FRMD3: variants seen among roughly 807,000 people sequenced by gnomAD.
FRMD3 encodes FERM domain containing 3.
A neutral mutation model predicts 70.2 loss-of-function variants in FRMD3; 33 were observed. The ratio of observed to expected loss-of-function variants is 0.47; its 90% CI spans 0.36 to 0.63. FRMD3 has a LOEUF of 0.63. FRMD3 is among the 20% of genes least tolerant of loss of function. FRMD3 has a pLI of 0.00. For synonymous variants in FRMD3, 279 were observed against 255.9 expected (o/e 1.09, Z -0.86); for missense variants, 632 against 711.4 (o/e 0.89, Z 1.27).
intron 3 of FRMD3, 45 bp from the exon 4 acceptor site, chr9:83,349,802 C>A (rs1461613969): frequency 1.4e-6 from 2 of 1,461,820 alleles, no homozygotes; most frequent in Non-Finnish European, 1.9e-6. Context: ...AGCAAAAGAC[C>A]ATGGCCTCAA....
Position 83,248,184 on chromosome 9 carries a change from A to G in FRMD3, c.1528T>C (p.Trp510Arg), listed in dbSNP as rs750575548. Residue 510 changes from tryptophan (W) to arginine (R), a missense_variant, in exon 14 of 14, where the codon TGG (tryptophan) becomes CGG (arginine). Around this residue, in one of 3 missense-constraint regions of FRMD3, gnomAD observed 418 missense variants for 442.1 expected, o/e 0.95. Transcript: ENST00000304195. ...ELKEARRALS[W>R]SYDILTGHIR... ...TGGCCAGTCAGAATGTCATAGCTCC[A>G]CGACAAAGCACGGCGAGCCTCCTTC... 1.9e-5 allele frequency: 30 copies of G among 1,614,178 alleles called. No individual in the cohort carries two copies. Among genetic ancestry groups the G allele is most frequent in the Non-Finnish European group, 2.5e-5 (30 of 1,180,018 alleles).
At chr9:83,268,606 T>G (rs564908516) in intron 13 of FRMD3, among the ~76,000 whole-genome samples, 2 of 152,204 alleles carry the variant, frequency 1.3e-5, no homozygotes, top group South Asian at 4.1e-4. Flanking sequence ...TGCAATATAC[T>G]ACTAACTGAA....
At chr9:83,299,497 A>T (rs1834817369) in intron 10 of FRMD3, among the ~76,000 whole-genome samples, 1 of 152,230 alleles carries the variant, frequency 6.6e-6, no homozygotes. Flanking sequence ...AGTGATGATC[A>T]GAAGGAATTC....
At chr9:83,581,642 C>T in the FRMD3 span, among the ~76,000 whole-genome samples, 4 of 152,210 alleles carry the variant, frequency 2.6e-5, no homozygotes, top group African/African-American at 7.2e-5. Context: ...TGTATGTCCA[C>T]ACAAAAATTT....
chr9:83,267,710 A>T (rs1157605575), intron 13 of FRMD3, among the ~76,000 whole-genome samples: 1 of 152,194 alleles, frequency 6.6e-6, no homozygotes, highest in East Asian at 1.9e-4. Flanking sequence ...ACAGGTAATG[A>T]TATCAAAATT....
intron 1 of FRMD3, among the ~76,000 whole-genome samples, chr9:83,449,601 TC>T (rs1240105568): frequency 1.4e-4 from 22 of 152,304 alleles, no homozygotes; most frequent in African/African-American, 5.1e-4. Context: ...CTGAGAACCT[TC>T]AGGCCACAGA....
chr9:83,328,416 T>A (rs563105817), intron 6 of FRMD3, among the ~76,000 whole-genome samples: 1 of 152,288 alleles, frequency 6.6e-6, no homozygotes, highest in South Asian at 2.1e-4. Context: ...ACTACATACA[T>A]CTGGGTCACA....
chr9:83,371,655 T>A (rs565986689), intron 3 of FRMD3, among the ~76,000 whole-genome samples: 7 of 152,346 alleles, frequency 4.6e-5, no homozygotes. Flanking sequence ...TCTTCCGCTC[T>A]TGCCCCAATT....
chr9:83,324,348 A>G (rs1266790374), intron 6 of FRMD3, among the ~76,000 whole-genome samples: 1 of 152,170 alleles, frequency 6.6e-6, no homozygotes, highest in African/African-American at 2.4e-5. Context: ...ATGGGAGGAG[A>G]GAGGGAGGTG....
chr9:83,258,885 A>G (rs1313282560), intron 13 of FRMD3, among the ~76,000 whole-genome samples: 1 of 152,196 alleles, frequency 6.6e-6, no homozygotes, highest in Non-Finnish European at 1.5e-5. Context: ...TGGCATCATT[A>G]GGAACCACCA....
At chr9:83,568,354 T>C in the FRMD3 span, among the ~76,000 whole-genome samples, 24 of 152,302 alleles carry the variant, frequency 1.6e-4, no homozygotes, top group Middle Eastern at 3.4e-3. Context: ...AAGGAGTATG[T>C]AGAAATATGA....
At chr9:83,416,687 T>C (rs574495376) in intron 1 of FRMD3, among the ~76,000 whole-genome samples, 4 of 152,146 alleles carry the variant, frequency 2.6e-5, no homozygotes, top group African/African-American at 7.2e-5. Flanking sequence ...GCCAGCTTTA[T>C]AGTAAGTCCA....
chr9:83,467,536 C>T, intron 1 of FRMD3: 4 of 901,710 alleles, frequency 4.4e-6, no homozygotes, highest in Non-Finnish European at 7.0e-6. Flanking sequence ...TAATTCAAAA[C>T]ATTGCATAGT....
At chr9:83,543,266 G>A (rs1830018520), upstream of FRMD3, among the ~76,000 whole-genome samples, 1 of 151,738 alleles carries the variant, frequency 6.6e-6, no homozygotes, top group Admixed American at 6.6e-5. Context: ...AAAAAAGGAG[G>A]AGGCAAGAAT....
intron 1 of FRMD3, among the ~76,000 whole-genome samples, chr9:83,395,790 G>T (rs1464651588): frequency 6.6e-6 from 1 of 151,680 alleles, no homozygotes; most frequent in East Asian, 1.9e-4. Context: ...AAAAAGTCTG[G>T]CAGATTTCAG....
intron 1 of FRMD3, among the ~76,000 whole-genome samples, chr9:83,439,608 A>G (rs1232120502): frequency 6.6e-6 from 1 of 152,246 alleles, no homozygotes; most frequent in African/African-American, 2.4e-5. Context: ...ACCCCATTTT[A>G]GCAGAAATTC....
chr9:83,577,146 C>T, the FRMD3 span, among the ~76,000 whole-genome samples: 5 of 151,846 alleles, frequency 3.3e-5, no homozygotes, highest in African/African-American at 9.7e-5. Context: ...ATGGCAATAC[C>T]CTCAAATTGA....
chr9:83,538,371 G>C lies in FRMD3; in HGVS notation c.-140C>G, dbSNP rs1302880368. 1 of 683,406 alleles carries C rather than the reference G, an allele frequency of 1.5e-6. No homozygotes were observed. 42.3% of individuals were successfully genotyped at this position (683,406 alleles called of 1,614,324 possible). On this transcript the variant is annotated 5_prime_UTR_variant, in exon 1 of 14. Coordinates refer to ENST00000304195, the MANE Select transcript of FRMD3 (RefSeq NM_174938.6). The surrounding 1 kb of genome is among the most constrained non-coding windows in gnomAD (Gnocchi z 4.7). ...GACATCGGCAGCGTCGGGCGCCTGC[G>C]GACACACATGCCCAGCGGCCGGGGC... is the stretch of plus-strand genomic sequence containing the variant.
At position 83,365,690 on chromosome 9, in the gene FRMD3, C is replaced by A. The variant is rs1050986354; in HGVS notation, c.295+7223G>T. Among the ~76,000 whole-genome samples the A allele has an allele frequency of 5.3e-5, 8 of 152,126 alleles. No individual in the cohort carries two copies. The South Asian group carries it at 1.0e-3, about 20-fold the overall frequency. On this transcript the variant is annotated intron_variant, in intron 3 of 13. Coordinates refer to ENST00000304195, the MANE Select transcript of FRMD3 (RefSeq NM_174938.6). ...GGTGTAGGGGGCAAGATAAAAGGAA[C>A]CCCAGGGTAGTTGCAGGAAACTCTT...
Sources: allele counts gnomAD v4.1 joint callset (sites outside exome capture counted in the v4.1 genomes callset), GRCh38; gene constraint gnomAD v4.1.1; regional missense constraint gnomAD v4.1.1; non-coding constraint Gnocchi (gnomAD v3.1); transcripts MANE v1.5; gene names NCBI Gene and HGNC (gene_info 2026-07-23, HGNC 2026-07-21).